Variants in KCNJ16 observed in about 807,000 individuals in gnomAD.
KCNJ16 encodes the protein inward rectifier potassium channel 16.
A neutral mutation model predicts 18.5 loss-of-function variants in KCNJ16; 15 were observed. The observed-to-expected ratio is 0.81, with a 90% CI of 0.54 to 1.25. KCNJ16 has a LOEUF of 1.25. Among genes scored for constraint, KCNJ16 ranks in the 50% most tolerant of loss-of-function variants. The probability of loss-of-function intolerance (pLI) is 0.00; values close to 1 mark genes in which losing one functional copy is unlikely to be tolerated. For synonymous variants in KCNJ16, 174 were observed against 186.5 expected (o/e 0.93, Z 0.55); for missense variants, 523 against 525.7 (o/e 0.99, Z 0.05).
chr17:70,087,239 T>G (rs2071843202), intron 1 of KCNJ16, among the ~76,000 whole-genome samples: 1 of 152,122 alleles, frequency 6.6e-6, no homozygotes, highest in South Asian at 2.1e-4. Flanking sequence ...GGTAGTAGAA[T>G]TCTTATTATG....
chr17:70,090,715 C>CACTAACCCACTCACAATACG lies in KCNJ16; in HGVS notation c.-299-9943_-299-9942insACTAACCCACTCACAATACG, dbSNP rs1567781299. On this transcript the variant is annotated intron_variant, in intron 1 of 3. Coordinates refer to ENST00000392671, the MANE Select transcript of KCNJ16 (RefSeq NM_170741.4). ...AATACGGCTAACCCACTCACAATAC[C>CACTAACCCACTCACAATACG]GCTAACCCACTCACAATATGGCTAA... Among the ~76,000 whole-genome samples the CACTAACCCACTCACAATACG allele has an allele frequency of 1.4e-4, 21 of 151,276 alleles. 2 individuals carry two copies. The highest frequency in any genetic ancestry group is 2.5e-4 in the Non-Finnish European group (17 of 67,868).
At chr17:70,090,354 T>C (rs1033436623) in intron 1 of KCNJ16, among the ~76,000 whole-genome samples, 2 of 152,198 alleles carry the variant, frequency 1.3e-5, no homozygotes, top group African/African-American at 4.8e-5. Flanking sequence ...ATCACCTTTG[T>C]TACATTTTGG....
intron 2 of KCNJ16, among the ~76,000 whole-genome samples, chr17:70,109,869 CCCA>C (rs1411495093): frequency 2.0e-5 from 3 of 152,252 alleles, no homozygotes; most frequent in Admixed American, 2.0e-4. Context: ...AGCTCCCAGC[CCCA>C]CAATCTGCTA....
chr17:70,103,492 TC>T, intron 2 of KCNJ16, among the ~76,000 whole-genome samples: 1 of 151,812 alleles, frequency 6.6e-6, no homozygotes, highest in African/African-American at 2.4e-5. Context: ...TGTAACACTT[TC>T]TTTACTTCGT....
Position 70,132,349 on chromosome 17 carries a change from T to G in KCNJ16, c.262T>G (p.Phe88Val), listed in dbSNP as rs375188430. Residue 88 changes from phenylalanine (F) to valine (V), a missense_variant, in exon 4 of 4, where the codon TTT becomes GTT. Coordinates refer to ENST00000392671, the MANE Select transcript of KCNJ16 (RefSeq NM_170741.4). Reference sequence around the variant, plus strand: ...ATCTTATATTCTCTCGTGGTTGATATTTGGCTCTGTCTTTTGGCTCATAGC... The same window carrying G: ...ATCTTATATTCTCTCGTGGTTGATAGTTGGCTCTGTCTTTTGGCTCATAGC... ...SLSYILSWLI[F>V]GSVFWLIAFH... 6 of 1,614,078 alleles carry G rather than the reference T, an allele frequency of 3.7e-6. No homozygotes were observed. The highest frequency in any genetic ancestry group is 1.3e-5 in the African/African-American group (1 of 74,938).
rs142220599 is a variant in KCNJ16, at chr17:70,104,110, A to G, written c.-191+3344A>G. Among the ~76,000 whole-genome samples, 78 of 151,916 alleles carry G rather than the reference A, an allele frequency of 5.1e-4. No homozygotes were observed. The East Asian group carries it at 0.014, about 28-fold the overall frequency. ...CCCAGATAGCTGGGACTACAGGCACATGCTACTGTGCCCAGCTAATTTATT... is the reference window on the plus strand; with the variant it reads ...CCCAGATAGCTGGGACTACAGGCACGTGCTACTGTGCCCAGCTAATTTATT... On this transcript the variant is annotated intron_variant, in intron 2 of 3. Coordinates refer to ENST00000392671, the MANE Select transcript of KCNJ16 (RefSeq NM_170741.4).
intron 1 of KCNJ16, among the ~76,000 whole-genome samples, chr17:70,085,909 G>A (rs886651748): frequency 1.3e-5 from 2 of 152,132 alleles, no homozygotes; most frequent in African/African-American, 2.4e-5. Flanking sequence ...CATTGAGCAA[G>A]GATAATACCA....
At chr17:70,112,702 C>T (rs946922891) in intron 2 of KCNJ16, among the ~76,000 whole-genome samples, 10 of 152,030 alleles carry the variant, frequency 6.6e-5, no homozygotes, top group African/African-American at 2.4e-4. Flanking sequence ...ATCCCTGTCC[C>T]CTTCTCTAAT....
intron 1 of KCNJ16, among the ~76,000 whole-genome samples, chr17:70,090,753 ACCG>A (rs1320458053): frequency 6.6e-6 from 1 of 151,930 alleles, no homozygotes; most frequent in Non-Finnish European, 1.5e-5. Context: ...CACTCACAAT[ACCG>A]CTAACCCACT....
chr17:70,123,007 T>C (rs1341687385), intron 2 of KCNJ16, among the ~76,000 whole-genome samples: 1 of 152,242 alleles, frequency 6.6e-6, no homozygotes, highest in African/African-American at 2.4e-5. Context: ...ACCTCCCTCC[T>C]TCTGCTCTTA....
At chr17:70,081,904 T>C (rs1236600744) in intron 1 of KCNJ16, among the ~76,000 whole-genome samples, 1 of 152,176 alleles carries the variant, frequency 6.6e-6, no homozygotes, top group Non-Finnish European at 1.5e-5. Context: ...AATACAACAT[T>C]GTGGACCTGG....
intron 2 of KCNJ16, among the ~76,000 whole-genome samples, chr17:70,123,144 T>C (rs2073714139): frequency 6.6e-6 from 1 of 152,168 alleles, no homozygotes; most frequent in Admixed American, 6.5e-5. Flanking sequence ...AATATCCAAA[T>C]CTTTACCTAC....
At chr17:70,082,849 G>C (rs1598084681) in intron 1 of KCNJ16, among the ~76,000 whole-genome samples, 2 of 152,156 alleles carry the variant, frequency 1.3e-5, no homozygotes, top group Non-Finnish European at 2.9e-5. Context: ...TGGATCAGCA[G>C]AAAGAACACT....
Position 70,108,515 on chromosome 17 carries a change from A to AATAGGCC in KCNJ16, c.-191+7749_-191+7750insATAGGCC, listed in dbSNP as rs2073036416. ...CATGTTGATATCTATAAATGACCAC[A>AATAGGCC]TCAACATATCTGCTTTAAAGTGGCC... On this transcript the variant is annotated intron_variant, in intron 2 of 3. Transcript: ENST00000392671. 7 of 151,978 alleles carry AATAGGCC rather than the reference A, an allele frequency of 4.6e-5. No individual in the cohort carries two copies. The South Asian group carries it at 1.5e-3, about 31-fold the overall frequency. The allele number at this position is 151,978 out of a possible 1,614,324, so 9.4% of individuals were successfully genotyped here.
At position 70,133,795 on chromosome 17, in the gene KCNJ16, A is replaced by T. The variant is rs1222156031; in HGVS notation, c.*451A>T. The T allele has an allele frequency of 5.9e-6, 1 of 170,130 alleles. No homozygotes were observed. Among genetic ancestry groups the T allele is most frequent in the Non-Finnish European group, 1.4e-5 (1 of 70,074 alleles). 10.5% of individuals were successfully genotyped at this position (170,130 alleles called of 1,614,324 possible). ...CATATCTAACCAAGATATGCAAAAGATGCATTCAGTAAGCTGTAACGTTGA... is the reference window on the plus strand; with the variant it reads ...CATATCTAACCAAGATATGCAAAAGTTGCATTCAGTAAGCTGTAACGTTGA... On this transcript the variant is annotated 3_prime_UTR_variant, in exon 4 of 4. Transcript: ENST00000392671.
chr17:70,076,226 C>T (rs1164894938), intron 1 of KCNJ16, among the ~76,000 whole-genome samples: 1 of 152,006 alleles, frequency 6.6e-6, no homozygotes, highest in East Asian at 1.9e-4. Context: ...AAATATTACT[C>T]TTATGGCTAG....
Position 70,133,245 on chromosome 17 carries a change from T to C in KCNJ16, c.1158T>C (p.Pro386=), listed in dbSNP as rs778836765. The C allele has an allele frequency of 1.9e-6, 3 of 1,614,182 alleles. No homozygotes were observed. The highest frequency in any genetic ancestry group is 2.5e-6 in the Non-Finnish European group (3 of 1,180,034). ...AVAIVSSCEN[P]EETTTSATHE... ...CCATTGTCAGCAGCTGTGAAAACCC[T>C]GAGGAGACCACCACTTCCGCCACAC... The change falls in exon 4 of 4, where the codon CCT becomes CCC. Residue 386 remains proline, a synonymous_variant. Coordinates refer to ENST00000392671, the MANE Select transcript of KCNJ16 (RefSeq NM_170741.4).
intron 1 of KCNJ16, among the ~76,000 whole-genome samples, chr17:70,080,065 T>G (rs1249876211): frequency 2.0e-5 from 3 of 152,222 alleles, no homozygotes; most frequent in Non-Finnish European, 4.4e-5. Context: ...AAAAAGATTT[T>G]TTTAAATTGA....
Position 70,129,701 on chromosome 17 carries a change from T to A in KCNJ16, c.-190-1178T>A, listed in dbSNP as rs189656452. On this transcript the variant is annotated intron_variant, in intron 2 of 3. Coordinates refer to ENST00000392671, the MANE Select transcript of KCNJ16 (RefSeq NM_170741.4). The stretch of plus-strand genomic sequence containing the variant: ...GGTGAGCTTGGGGCCGAATTTTCAG[T>A]TGTAACTTGTACCTCTCAAATTGTT... 6.1e-3 allele frequency among the ~76,000 whole-genome samples: 929 copies of A among 152,296 alleles called. 4 individuals carry two copies. Among genetic ancestry groups the A allele is most frequent in the Admixed American group, 9.2e-3 (141 of 15,302 alleles).
Sources: allele counts gnomAD v4.1 joint callset (sites outside exome capture counted in the v4.1 genomes callset), GRCh38; gene constraint gnomAD v4.1.1; transcripts MANE v1.5; gene names NCBI Gene and HGNC (gene_info 2026-07-23, HGNC 2026-07-21).